RSBN1: variants seen among roughly 807,000 people sequenced by gnomAD.
RSBN1 encodes round spermatid basic protein 1.
In RSBN1, 23 loss-of-function variants were observed where a neutral mutation model predicts 74.8. That is an observed-to-expected ratio of 0.31 (90% CI 0.22 to 0.44). RSBN1 has a LOEUF of 0.44. Ranked by LOEUF, RSBN1 falls within the 20% of genes least tolerant of loss-of-function variation. The pLI, the probability that RSBN1 is intolerant of heterozygous loss-of-function variation, is 1.00. For synonymous variants in RSBN1, 407 were observed against 379.6 expected (o/e 1.07, Z -0.84); for missense variants, 808 against 1,020.9 (o/e 0.79, Z 2.84).
At chr1:113,777,095 C>G in intron 4 of RSBN1, 115 bp downstream of exon 4, 1 of 912,948 alleles carries the variant, frequency 1.1e-6, no homozygotes, top group Admixed American at 2.4e-5. Context: ...GAACCGACAA[C>G]TAAAACATTT....
chr1:113,797,751 G>C lies in RSBN1; in HGVS notation c.989C>G (p.Pro330Arg), dbSNP rs1450469072. ...LNLGMQEYRV[P>R]QGVQTPFMTH... ...CATAAAAGGTGTTTGTACTCCCTGG[G>C]GTACCCGATATTCTTGCATACCCAA... Residue 330 changes from proline to arginine, a missense_variant, in exon 2 of 7, where the codon CCC (proline) becomes CGC (arginine). Physicochemically the swap from Pro to Arg is moderately radical, Grantham distance 103. This residue lies in a region of RSBN1 where 85 missense variants were observed against 126.2 expected (regional missense o/e 0.67). Transcript: ENST00000261441. 1 of 1,614,052 alleles carries C rather than the reference G, an allele frequency of 6.2e-7. No homozygotes were observed. Among genetic ancestry groups the C allele is most frequent in the Non-Finnish European group, 8.5e-7 (1 of 1,179,996 alleles).
At chr1:113,783,985 A>G (rs925705527) in intron 2 of RSBN1, among the ~76,000 whole-genome samples, 37 of 152,208 alleles carry the variant, frequency 2.4e-4, no homozygotes, top group African/African-American at 8.9e-4. Context: ...CAGAGATATC[A>G]TCTGGGGTGT....
Position 113,795,296 on chromosome 1 carries a change from A to T in RSBN1, c.1377+2067T>A, listed in dbSNP as rs144880418. ...GGATAACAAACAATGAACATCTCCC[A>T]GCCTCAGTTTCTTCCATGGGAAACA... On this transcript the variant is annotated intron_variant, in intron 2 of 6. Coordinates refer to ENST00000261441, the MANE Select transcript of RSBN1 (RefSeq NM_018364.5). 1.2e-3 allele frequency among the ~76,000 whole-genome samples: 188 copies of T among 152,326 alleles called. 2 individuals carry two copies. The highest frequency in any genetic ancestry group is 2.2e-3 in the Non-Finnish European group (149 of 68,020).
chr1:113,807,201 C>T (rs1234462585), intron 1 of RSBN1, among the ~76,000 whole-genome samples: 1 of 151,642 alleles, frequency 6.6e-6, no homozygotes, highest in Admixed American at 6.6e-5. Context: ...GTAATCACAG[C>T]TACTCGGGAG....
chr1:113,771,512 T>C (rs1016088010), intron 4 of RSBN1, among the ~76,000 whole-genome samples: 4 of 149,586 alleles, frequency 2.7e-5, no homozygotes, highest in Admixed American at 6.7e-5. Context: ...ATAAAAAAAC[T>C]GATATGTTAC....
Position 113,762,295 on chromosome 1 carries a change from AG to A in RSBN1, c.*3684del, listed in dbSNP as rs1431758816. 1 of 152,786 alleles carries A rather than the reference AG, an allele frequency of 6.5e-6. No individual in the cohort carries two copies. Among genetic ancestry groups the A allele is most frequent in the Non-Finnish European group, 1.5e-5 (1 of 68,028 alleles). 9.5% of individuals were successfully genotyped at this position (152,786 alleles called of 1,614,324 possible). A position where few individuals can be genotyped will look rare whatever the true frequency, so the allele number is the denominator to read the frequency against. On this transcript the variant is annotated 3_prime_UTR_variant, in exon 7 of 7. Transcript: ENST00000261441. The stretch of plus-strand genomic sequence containing the variant: ...GACAGTGGTCTCAACTACATGCACA[AG>A]TGGATCCTAAAAAATGTATGAAGAA...
intron 2 of RSBN1, among the ~76,000 whole-genome samples, chr1:113,783,967 G>A (rs1172002727): frequency 6.6e-6 from 1 of 152,118 alleles, no homozygotes; most frequent in African/African-American, 2.4e-5. Flanking sequence ...GCAATATTCT[G>A]CATTGCACAG....
At chr1:113,809,794 T>C (rs78025973) in intron 1 of RSBN1, among the ~76,000 whole-genome samples, 5 of 152,222 alleles carry the variant, frequency 3.3e-5, no homozygotes, top group Non-Finnish European at 5.9e-5. Context: ...TGTGACTAAT[T>C]ATAAATTAAT....
In RSBN1 at chr1:113,797,436, T is replaced by C. The variant is rs777732664; in HGVS notation, c.1304A>G (p.Asn435Ser). 7 of 1,614,078 alleles carry C rather than the reference T, an allele frequency of 4.3e-6. No individual in the cohort carries two copies. Among genetic ancestry groups the C allele is most frequent in the South Asian group, 3.3e-5 (3 of 91,080 alleles). The change falls in exon 2 of 7, where the codon AAC (asparagine) becomes AGC (serine). Residue 435 changes from asparagine to serine, a missense_variant. By Grantham distance (46) the Asn-to-Ser change is conservative (BLOSUM62 1). Coordinates refer to ENST00000261441, the MANE Select transcript of RSBN1 (RefSeq NM_018364.5). ...CAGAATTTCCATTTTCACTGGAGTG[T>C]TGGGGAAATTAAAAGCAAAGTAGTC... is the stretch of plus-strand genomic sequence containing the variant. ...FLDYFAFNFPNTPVKMEILGK... is the reference protein window; with the variant it reads ...FLDYFAFNFPSTPVKMEILGK...
rs1219743734 is a variant in RSBN1, at chr1:113,797,438, G to A, written c.1302C>T (p.Pro434=). 6.2e-7 allele frequency: 1 copy of A among 1,614,026 alleles called. No homozygotes were observed. The highest frequency in any genetic ancestry group is 1.7e-5 in the Admixed American group (1 of 59,998). Residue 434 remains proline, a synonymous_variant, in exon 2 of 7, where the codon CCC becomes CCT. Transcript: ENST00000261441. The part of the protein sequence containing the change: ...DFLDYFAFNF[P]NTPVKMEILG... ...GAATTTCCATTTTCACTGGAGTGTTGGGGAAATTAAAAGCAAAGTAGTCCA... is the reference window on the plus strand; with the variant it reads ...GAATTTCCATTTTCACTGGAGTGTTAGGGAAATTAAAAGCAAAGTAGTCCA...
intron 2 of RSBN1, among the ~76,000 whole-genome samples, chr1:113,792,547 T>A (rs1054788258): frequency 1.7e-4 from 26 of 152,154 alleles, no homozygotes; most frequent in Non-Finnish European, 2.4e-4. Flanking sequence ...TATAAAAAAA[T>A]TTTTAAATTA....
intron 2 of RSBN1, among the ~76,000 whole-genome samples, chr1:113,781,187 AT>A (rs1660132700): frequency 6.6e-6 from 1 of 152,200 alleles, no homozygotes; most frequent in South Asian, 2.1e-4. Flanking sequence ...AAAATTGACT[AT>A]CCTGCAACTT....
At chr1:113,780,977 C>T (rs747270859) in intron 2 of RSBN1, among the ~76,000 whole-genome samples, 17 of 152,104 alleles carry the variant, frequency 1.1e-4, no homozygotes, top group Non-Finnish European at 2.5e-4. Flanking sequence ...CAGTCCCCTC[C>T]TTCTTTCAGC....
chr1:113,803,458 CAAT>C (rs1660631837), intron 1 of RSBN1, among the ~76,000 whole-genome samples: 1 of 152,152 alleles, frequency 6.6e-6, no homozygotes, highest in Admixed American at 6.5e-5. Flanking sequence ...GTATTCCCAA[CAAT>C]AATGAATGAG....
Position 113,765,967 on chromosome 1 carries a change from G to C in RSBN1, c.*13C>G. ...TTTAAAAAAGTTAAAAAATGTGTTT[G>C]AATATGTACATATCACACAGAAGTG... On this transcript the variant is annotated 3_prime_UTR_variant, in exon 7 of 7. Coordinates refer to ENST00000261441, the MANE Select transcript of RSBN1 (RefSeq NM_018364.5). 1 of 1,586,322 alleles carries C rather than the reference G, an allele frequency of 6.3e-7. No homozygotes were observed. The highest frequency in any genetic ancestry group is 8.6e-7 in the Non-Finnish European group (1 of 1,159,272).
intron 4 of RSBN1, among the ~76,000 whole-genome samples, chr1:113,774,503 T>C (rs548192810): frequency 9.3e-5 from 14 of 150,608 alleles, no homozygotes; most frequent in Non-Finnish European, 1.5e-4. Context: ...TGAAACCCCA[T>C]CTCTACTAAA....
intron 4 of RSBN1, among the ~76,000 whole-genome samples, chr1:113,768,994 A>T (rs1659836502): frequency 6.6e-6 from 1 of 152,128 alleles, no homozygotes; most frequent in Non-Finnish European, 1.5e-5. Flanking sequence ...TTTGTTTAAG[A>T]TAGAATCTCT....
chr1:113,789,414 A>G (rs766693803), intron 2 of RSBN1, among the ~76,000 whole-genome samples: 1 of 152,256 alleles, frequency 6.6e-6, no homozygotes, highest in South Asian at 2.1e-4. Context: ...TGCCCTGTGT[A>G]TCTCTTCATA....
At position 113,767,623 on chromosome 1, in the gene RSBN1, G is replaced by A. The variant is rs1168555900; in HGVS notation, c.1827-416C>T. Among the ~76,000 whole-genome samples, 3 of 152,148 alleles carry A rather than the reference G, an allele frequency of 2.0e-5. No homozygotes were observed. The East Asian group carries it at 5.8e-4, about 29-fold the overall frequency. On this transcript the variant is annotated intron_variant, in intron 5 of 6. Transcript: ENST00000261441. ...TAATCCAGCAACTTCACTCCTGGGT[G>A]TATAGCCAAAATAATTGAATGCAGG...
Sources: allele counts gnomAD v4.1 joint callset (sites outside exome capture counted in the v4.1 genomes callset), GRCh38; gene constraint gnomAD v4.1.1; regional missense constraint gnomAD v4.1.1; transcripts MANE v1.5; gene names NCBI Gene and HGNC (gene_info 2026-07-23, HGNC 2026-07-21).